SEH1L: variants seen among roughly 807,000 people sequenced by gnomAD.
The protein encoded by SEH1L is nucleoporin SEH1.
SEH1L carries 18 observed loss-of-function variants against 49.5 expected under a neutral mutation model. The observed-to-expected ratio is 0.36, with a 90% confidence interval of 0.25 to 0.54. SEH1L has a LOEUF of 0.54. SEH1L is among the 20% of genes least tolerant of loss of function. The probability of loss-of-function intolerance (pLI) is 0.87; values close to 1 mark genes in which losing one functional copy is unlikely to be tolerated. For missense variants in SEH1L, 404 were observed against 528.8 expected, an observed-to-expected ratio of 0.76 and a Z score of 2.31; for synonymous variants, 169 against 178.1, an observed-to-expected ratio of 0.95 and a Z score of 0.41.
intron 4 of SEH1L, among the ~76,000 whole-genome samples, chr18:12,965,957 C>T (rs2031431234): frequency 6.6e-6 from 1 of 152,216 alleles, no homozygotes; most frequent in Non-Finnish European, 1.5e-5. Context: ...CTCCCAGCTA[C>T]AGTAACCCAA....
intron 5 of SEH1L, chr18:12,972,919 T>TAAGCCCAAAAACG (rs1568223312): frequency 5.9e-5 from 9 of 152,276 alleles, no homozygotes; most frequent in African/African-American, 1.9e-4. Context: ...AAAAGGTGTA[T>TAAGCCCAAAAACG]CATTGGCCAC....
At position 12,986,905 on chromosome 18, in the gene SEH1L, T is replaced by C; in HGVS notation, c.1114T>C (p.Trp372Arg). The C allele has an allele frequency of 6.2e-7, 1 of 1,611,988 alleles. No homozygotes were observed. Among genetic ancestry groups the C allele is most frequent in the Non-Finnish European group, 8.5e-7 (1 of 1,178,684 alleles). The change falls in exon 9 of 9, where the codon TGG becomes CGG. Residue 372 changes from tryptophan to arginine, a missense_variant. Transcript: ENST00000399892. ...PLDSPRAGSR[W>R]SSYAQLLPPP... ...GGATTCCCCACGGGCTGGATCGAGATGGTCCAGTTATGCCCAGCTCCTTCC... is the reference window on the plus strand; with the variant it reads ...GGATTCCCCACGGGCTGGATCGAGACGGTCCAGTTATGCCCAGCTCCTTCC...
rs537444642 is a variant in SEH1L, at chr18:12,962,371, C to T, written c.310-789C>T. ...CCTGGGTGACAGAGCAAGACCCTGT[C>T]CCTAAGAAAAAAAAAAAAATAATAA... On this transcript the variant is annotated intron_variant, in intron 3 of 8. Transcript: ENST00000399892. Among the ~76,000 whole-genome samples, 833 of 147,944 alleles carry T rather than the reference C, an allele frequency of 5.6e-3. 5 individuals carry two copies. The highest frequency in any genetic ancestry group is 0.02 in the African/African-American group (804 of 39,710).
intron 5 of SEH1L, chr18:12,978,052 T>A (rs1382958338): frequency 6.6e-6 from 1 of 152,420 alleles, no homozygotes; most frequent in Non-Finnish European, 1.5e-5. Flanking sequence ...GGTCTTGAAC[T>A]ACTGGGTTCA....
intron 7 of SEH1L, 101 bp downstream of exon 7, chr18:12,982,776 C>A: frequency 1.1e-6 from 1 of 903,792 alleles, no homozygotes; most frequent in Non-Finnish European, 1.7e-6. Context: ...TGGTCTTTTA[C>A]AGTTACTTTT....
Position 12,953,380 on chromosome 18 carries a change from A to G in SEH1L, c.162+1475A>G, listed in dbSNP as rs180944850. On this transcript the variant is annotated intron_variant, in intron 2 of 8. Coordinates refer to ENST00000399892, the MANE Select transcript of SEH1L (RefSeq NM_001013437.2). ...CTTTTGGATAGATGCGTAGGAGTGG[A>G]ATTGATGGGCTATATGCACTTAGCT... Among the ~76,000 whole-genome samples, 3 of 152,334 alleles carry G rather than the reference A, an allele frequency of 2.0e-5. No individual in the cohort carries two copies. The East Asian group carries it at 5.8e-4, about 29-fold the overall frequency.
At chr18:12,982,771 T>TATTAA in intron 7 of SEH1L, 96 bp downstream of exon 7, 1 of 937,642 alleles carries the variant, frequency 1.1e-6, no homozygotes, top group South Asian at 2.0e-5. Context: ...GAAAATGGTC[T>TATTAA]TTTACAGTTA....
rs1187184302 is a variant in SEH1L at position 12,951,868 on chromosome 18, G to C, written c.125G>C (p.Ser42Thr). Reference protein sequence around the residue: ...SDQSVKVWDKSESGDWHCTAS... With the variant: ...SDQSVKVWDKTESGDWHCTAS... ...ATTTTCTTATAGGTCTGGGATAAAA[G>C]TGAAAGTGGTGATTGGCATTGTACT... The change falls in exon 2 of 9, where the codon AGT becomes ACT. Residue 42 changes from serine (S) to threonine (T), a missense_variant. Physicochemically the swap from Ser to Thr is moderately conservative, Grantham distance 58 (BLOSUM62 1). Coordinates refer to ENST00000399892, the MANE Select transcript of SEH1L (RefSeq NM_001013437.2). 1.9e-6 allele frequency: 3 copies of C among 1,576,552 alleles called. No individual in the cohort carries two copies. In the African/African-American group the frequency reaches 4.1e-5, roughly 21 times the overall value.
chr18:12,986,620 A>T, intron 8 of SEH1L: 1 of 1,118,656 alleles, frequency 8.9e-7, no homozygotes, highest in Non-Finnish European at 1.1e-6. Context: ...AGTTTAACAG[A>T]TTGTATTCCT....
chr18:12,979,182 G>A (rs576165433), intron 6 of SEH1L, among the ~76,000 whole-genome samples: 1 of 149,750 alleles, frequency 6.7e-6, no homozygotes, highest in Non-Finnish European at 1.5e-5. Flanking sequence ...AGTGAACAAA[G>A]GTCTCTGGTT....
intron 1 of SEH1L, 127 bp downstream of exon 1, chr18:12,948,359 C>T: frequency 1.4e-6 from 1 of 721,582 alleles, no homozygotes; most frequent in Non-Finnish European, 2.3e-6. Flanking sequence ...GGCGGGCGAG[C>T]CCTGGCTGGA....
At chr18:12,980,714 C>T (rs1192423437) in intron 6 of SEH1L, among the ~76,000 whole-genome samples, 45 of 105,060 alleles carry the variant, frequency 4.3e-4, no homozygotes, top group African/African-American at 5.8e-4. Flanking sequence ...CCACTTCCCT[C>T]CCGGACGGGG....
At chr18:12,986,136 G>A (rs2032448788) in intron 8 of SEH1L, 1 of 984,370 alleles carries the variant, frequency 1.0e-6, no homozygotes, top group African/African-American at 1.7e-5. Context: ...CATGTCTCAA[G>A]ATTTTCTTAA....
chr18:12,975,943 A>G, intron 5 of SEH1L: 1 of 882,320 alleles, frequency 1.1e-6, no homozygotes, highest in Non-Finnish European at 1.4e-6. Context: ...GGGACTGAGC[A>G]AAGAGGAGTG....
chr18:12,986,385 T>TG, intron 8 of SEH1L: 1 of 985,610 alleles, frequency 1.0e-6, no homozygotes, highest in African/African-American at 1.7e-5. Flanking sequence ...AAAAGCATGT[T>TG]GCAGTAGCCA....
intron 1 of SEH1L, 48 bp downstream of exon 1, chr18:12,948,280 G>A: frequency 7.2e-7 from 1 of 1,380,422 alleles, no homozygotes; most frequent in East Asian, 2.3e-5. Flanking sequence ...GGAAGGAAGG[G>A]GAGTGGGTGG....
At chr18:12,967,324 C>T (rs2031494308) in intron 4 of SEH1L, among the ~76,000 whole-genome samples, 1 of 152,198 alleles carries the variant, frequency 6.6e-6, no homozygotes, top group African/African-American at 2.4e-5. Context: ...ACAACACAAA[C>T]TACTCAGACC....
intron 4 of SEH1L, among the ~76,000 whole-genome samples, chr18:12,965,639 G>A (rs937213833): frequency 2.6e-5 from 4 of 152,176 alleles, no homozygotes; most frequent in Admixed American, 6.5e-5. Flanking sequence ...TTTTATTAAC[G>A]AGCTGTCGTC....
chr18:12,980,247 G>A (rs1242990870), intron 6 of SEH1L, among the ~76,000 whole-genome samples: 8 of 131,520 alleles, frequency 6.1e-5, no homozygotes, highest in Admixed American at 3.0e-4. Context: ...GGGGCGGCTG[G>A]CCCCCCCACC....
Sources: gnomAD v4.1 joint callset for allele counts (sites outside exome capture counted in the v4.1 genomes callset) on GRCh38, gnomAD v4.1.1 for gene constraint, MANE v1.5 for transcripts, NCBI Gene and HGNC (gene_info 2026-07-23, HGNC 2026-07-21) for gene names.